The following TRAPPC6A variants were observed in gnomAD, a reference collection of about 807,000 sequenced individuals.
TRAPPC6A encodes the protein TRAPP complex subunit 6A.
Under a neutral mutation model 20.8 loss-of-function variants are expected in TRAPPC6A, and 25 were observed. That is an observed-to-expected ratio of 1.20 (90% CI 0.88 to 1.68). The LOEUF (loss-of-function observed/expected upper bound fraction) is 1.68, where lower values mean the gene tolerates loss of function less well. Among genes scored for constraint, TRAPPC6A ranks in the 40% most tolerant of loss-of-function variants. The probability of loss-of-function intolerance (pLI) is 0.00; values close to 1 mark genes in which losing one functional copy is unlikely to be tolerated. For synonymous variants in TRAPPC6A, 96 were observed against 93.3 expected, an observed-to-expected ratio of 1.03 and a Z score of -0.16; for missense variants, 215 against 211.6, an observed-to-expected ratio of 1.02 and a Z score of -0.10.
intron 1 of TRAPPC6A, among the ~76,000 whole-genome samples, chr19:45,174,547 G>T (rs1969325841): frequency 6.6e-6 from 1 of 152,132 alleles, no homozygotes; most frequent in East Asian, 1.9e-4. Flanking sequence ...TCCTGGCAGG[G>T]CGTGCTGGCT....
chr19:45,163,102 C>T lies in TRAPPC6A; in HGVS notation c.*90G>A. 2 of 1,532,910 alleles carry T rather than the reference C, an allele frequency of 1.3e-6. No individual in the cohort carries two copies. Among genetic ancestry groups the T allele is most frequent in the Admixed American group, 1.8e-5 (1 of 56,488 alleles). 95.0% of individuals were successfully genotyped at this position (1,532,910 alleles called of 1,614,324 possible). ...TGTGACCCCTAGGGCCTGGGATTCCCAAGACCACCCCGAAATGCAGCGGCC... is the reference window on the plus strand; with the variant it reads ...TGTGACCCCTAGGGCCTGGGATTCCTAAGACCACCCCGAAATGCAGCGGCC... On this transcript the variant is annotated 3_prime_UTR_variant, in exon 6 of 6. Transcript: ENST00000585934. The surrounding 1 kb of genome is among the most constrained non-coding windows in gnomAD (Gnocchi z 5.3).
At chr19:45,165,039 C>G in intron 2 of TRAPPC6A, 69 bp from the exon 3 acceptor site, 1 of 1,609,138 alleles carries the variant, frequency 6.2e-7, no homozygotes, top group East Asian at 2.2e-5. Flanking sequence ...AGGCCCGACT[C>G]CTGCATGGAG....
rs541705390 is a variant in TRAPPC6A, at chr19:45,171,340, A to C, written c.85-6146T>G. On this transcript the variant is annotated intron_variant, in intron 1 of 5. Transcript: ENST00000585934. ...ACAAAACAAAACAAAACAAAACAGA[A>C]GGGCTGGCCAGACAGAGACTCTCCC... 2.6e-5 allele frequency among the ~76,000 whole-genome samples: 4 copies of C among 152,132 alleles called. No individual in the cohort carries two copies. In the South Asian group the frequency reaches 8.3e-4, roughly 32 times the overall value.
intron 1 of TRAPPC6A, among the ~76,000 whole-genome samples, chr19:45,169,052 G>C (rs980213234): frequency 3.3e-5 from 5 of 152,180 alleles, no homozygotes; most frequent in Non-Finnish European, 7.4e-5. Context: ...GTGTCCTCAG[G>C]CACAGCAGGG....
In TRAPPC6A at chr19:45,163,029, C is replaced by T; in HGVS notation, c.*163G>A. 2 of 741,464 alleles carry T rather than the reference C, an allele frequency of 2.7e-6. No individual in the cohort carries two copies. The highest frequency in any genetic ancestry group is 4.3e-6 in the Non-Finnish European group (2 of 466,406). The allele number at this position is 741,464 out of a possible 1,614,324, so 45.9% of individuals were successfully genotyped here. A position where few individuals can be genotyped will look rare whatever the true frequency, so the allele number is the denominator to read the frequency against. ...CCTGACCGCAGCTGGGACCCCTTTG[C>T]CTCCTCTGACACCCCCACCTCAATT... On this transcript the variant is annotated 3_prime_UTR_variant, in exon 6 of 6. Coordinates refer to ENST00000585934, the MANE Select transcript of TRAPPC6A (RefSeq NM_001270891.2). This position sits in a 1 kb window ranked among gnomAD's most constrained non-coding sequence, Gnocchi z 5.3.
intron 1 of TRAPPC6A, among the ~76,000 whole-genome samples, chr19:45,167,042 C>T (rs1969171051): frequency 6.6e-6 from 1 of 152,118 alleles, no homozygotes; most frequent in Non-Finnish European, 1.5e-5. Context: ...TCCCTTCCTC[C>T]CTCCCAGCTT....
rs773273583 is a variant in TRAPPC6A at position 45,178,184 on chromosome 19, G to A, written c.35C>T (p.Thr12Met). 1 of 1,611,492 alleles carries A rather than the reference G, an allele frequency of 6.2e-7. No homozygotes were observed. The highest frequency in any genetic ancestry group is 1.1e-5 in the South Asian group (1 of 90,970). The change falls in exon 1 of 6, where the codon ACG becomes ATG. Residue 12 changes from threonine to methionine, a missense_variant. Transcript: ENST00000585934. ...ADTVLFEFLH[T>M]EMVAELWAHD... ...AGCCCACAGCTCAGCCACCATCTCCGTGTGAAGAAACTCAAACAACACAGT... is the reference window on the plus strand; with the variant it reads ...AGCCCACAGCTCAGCCACCATCTCCATGTGAAGAAACTCAAACAACACAGT...
At chr19:45,166,886 C>G (rs564299791) in intron 1 of TRAPPC6A, among the ~76,000 whole-genome samples, 5 of 152,306 alleles carry the variant, frequency 3.3e-5, no homozygotes, top group African/African-American at 1.2e-4. Context: ...GGCTCCAGCC[C>G]TGGAGCGGGT....
rs778016200 is a variant in TRAPPC6A at position 45,164,176 on chromosome 19, C to T, written c.342G>A (p.Glu114=). The part of the protein sequence containing the change: ...LPMASGLQYL[E]EAPKFLAFTC... ...GCTCCCCCCATACCTTGGGTGCTTC[C>T]TCCAGATACTGCAGGCCAGAGGCCA... Residue 114 remains glutamate (E), a synonymous_variant, in exon 4 of 6, where the codon GAG becomes GAA. Coordinates refer to ENST00000585934, the MANE Select transcript of TRAPPC6A (RefSeq NM_001270891.2). The T allele has an allele frequency of 6.2e-7, 1 of 1,608,678 alleles. No homozygotes were observed. The highest frequency in any genetic ancestry group is 8.5e-7 in the Non-Finnish European group (1 of 1,177,944).
At position 45,172,762 on chromosome 19, in the gene TRAPPC6A, C is replaced by G. The variant is rs933343771; in HGVS notation, c.84+5373G>C. 1.3e-5 allele frequency among the ~76,000 whole-genome samples: 2 copies of G among 151,748 alleles called. No individual in the cohort carries two copies. The highest frequency in any genetic ancestry group is 2.9e-5 in the Non-Finnish European group (2 of 68,038). On this transcript the variant is annotated intron_variant, in intron 1 of 5. Transcript: ENST00000585934. This position sits in a 1 kb window ranked among gnomAD's most constrained non-coding sequence, Gnocchi z 4.2. ...CCACAGCCTCTGCCTTAAGCTCCTG[C>G]AACAGCGGGGCCCTTCCCAGGCCAA...
intron 1 of TRAPPC6A, among the ~76,000 whole-genome samples, chr19:45,174,443 A>G (rs1184417579): frequency 2.0e-5 from 3 of 152,166 alleles, no homozygotes; most frequent in African/African-American, 7.2e-5. Flanking sequence ...AGTGGTCATC[A>G]ATACACACCC....
At chr19:45,164,309 G>A in intron 3 of TRAPPC6A, 62 bp from the exon 4 acceptor site, 1 of 1,136,668 alleles carries the variant, frequency 8.8e-7, no homozygotes, top group Non-Finnish European at 1.3e-6. Context: ...CGCAGGGAGG[G>A]TAAGCAGGAA....
Position 45,163,132 on chromosome 19 carries a change from C to A in TRAPPC6A, c.*60G>T. On this transcript the variant is annotated 3_prime_UTR_variant, in exon 6 of 6. Coordinates refer to ENST00000585934, the MANE Select transcript of TRAPPC6A (RefSeq NM_001270891.2). This position sits in a 1 kb window ranked among gnomAD's most constrained non-coding sequence, Gnocchi z 5.3. ...CCACCCCGAAATGCAGCGGCCCCAC[C>A]GTCTCCTGAGGCCGGTGAGGCCAGG... is the stretch of plus-strand genomic sequence containing the variant. The A allele has an allele frequency of 6.2e-7, 1 of 1,604,938 alleles. No individual in the cohort carries two copies. The highest frequency in any genetic ancestry group is 1.7e-5 in the Admixed American group (1 of 59,614).
chr19:45,165,022 G>A, intron 2 of TRAPPC6A, 52 bp from the exon 3 acceptor site: 1 of 1,609,680 alleles, frequency 6.2e-7, no homozygotes, highest in Non-Finnish European at 8.5e-7. Context: ...GGAAGAGGGA[G>A]GAAGACAGGC....
At position 45,174,290 on chromosome 19, in the gene TRAPPC6A, T is replaced by G. The variant is rs532422130; in HGVS notation, c.84+3845A>C. 7.2e-5 allele frequency among the ~76,000 whole-genome samples: 11 copies of G among 152,212 alleles called. No homozygotes were observed. In the South Asian group the frequency reaches 2.3e-3, roughly 32 times the overall value. On this transcript the variant is annotated intron_variant, in intron 1 of 5. Transcript: ENST00000585934. ...TGAGTGCACACAGGAAGCACTCATA[T>G]GAGGGGAGGGAGGGAAGAGCTAGCA...
intron 1 of TRAPPC6A, among the ~76,000 whole-genome samples, chr19:45,167,765 G>A (rs950377325): frequency 6.6e-6 from 1 of 152,240 alleles, no homozygotes; most frequent in Admixed American, 6.5e-5. Flanking sequence ...TTACAGGCGT[G>A]GGCCATCGCG....
rs946362689 is a variant in TRAPPC6A at position 45,173,057 on chromosome 19, T to C, written c.84+5078A>G. Among the ~76,000 whole-genome samples, 11 of 151,302 alleles carry C rather than the reference T, an allele frequency of 7.3e-5. 1 individual carries two copies. The highest frequency in any genetic ancestry group is 2.7e-4 in the African/African-American group (11 of 40,728). On this transcript the variant is annotated intron_variant, in intron 1 of 5. Coordinates refer to ENST00000585934, the MANE Select transcript of TRAPPC6A (RefSeq NM_001270891.2). The surrounding 1 kb of genome is among the most constrained non-coding windows in gnomAD (Gnocchi z 4.8). ...TCTCGGGGTGTGGTGGATGGAGGCC[T>C]GGCGCAGCAGGGCTATTCTCGGGGC...
chr19:45,174,169 A>G (rs1004283051), intron 1 of TRAPPC6A, among the ~76,000 whole-genome samples: 5 of 152,222 alleles, frequency 3.3e-5, no homozygotes, highest in Admixed American at 1.3e-4. Flanking sequence ...AACTCCGTCC[A>G]TCAAAGCCTC....
chr19:45,163,345 T>C lies in TRAPPC6A; in HGVS notation c.449-122A>G. 9.2e-7 allele frequency: 1 copy of C among 1,084,588 alleles called. No individual in the cohort carries two copies. Among genetic ancestry groups the C allele is most frequent in the Middle Eastern group, 2.0e-4 (1 of 5,002 alleles). 67.2% of individuals were successfully genotyped at this position (1,084,588 alleles called of 1,614,324 possible). ...ACCCCAGTGGCTAGGTTGGGCTGTT[T>C]CCTCCCGCCCACGGGGCCGCATCCC... On this transcript the variant is annotated intron_variant, in intron 5 of 5. Transcript: ENST00000585934. This position sits in a 1 kb window ranked among gnomAD's most constrained non-coding sequence, Gnocchi z 5.3.
Sources: gnomAD v4.1 joint callset for allele counts (sites outside exome capture counted in the v4.1 genomes callset) on GRCh38, gnomAD v4.1.1 for gene constraint, Gnocchi (gnomAD v3.1) non-coding constraint, MANE v1.5 for transcripts, NCBI Gene and HGNC (gene_info 2026-07-23, HGNC 2026-07-21) for gene names.